MBOAT1: variants seen among roughly 807,000 people sequenced by gnomAD.
The protein encoded by MBOAT1 is membrane-bound glycerophospholipid O-acyltransferase 1.
Under a neutral mutation model 64.4 loss-of-function variants are expected in MBOAT1, and 67 were observed. The ratio of observed to expected loss-of-function variants is 1.04; its 90% CI spans 0.85 to 1.27. The LOEUF is 1.27. Ranked by LOEUF, MBOAT1 falls within the 50% of genes most tolerant of loss-of-function variation. The probability of loss-of-function intolerance (pLI) is 0.00; values close to 1 mark genes in which losing one functional copy is unlikely to be tolerated. For synonymous variants in MBOAT1, 229 were observed against 218.9 expected, an observed-to-expected ratio of 1.05 and a Z score of -0.41; for missense variants, 563 against 604.6, an observed-to-expected ratio of 0.93 and a Z score of 0.72.
intron 1 of MBOAT1, among the ~76,000 whole-genome samples, chr6:20,192,423 C>T (rs1265119835): frequency 1.3e-5 from 2 of 152,218 alleles, no homozygotes; most frequent in African/African-American, 2.4e-5. Flanking sequence ...ACACCACCCA[C>T]ACCCTCCTCA....
At position 20,157,340 on chromosome 6, in the gene MBOAT1, T is replaced by C. The variant is rs1581431213; in HGVS notation, c.100-4571A>G. ...AGTACCTGCCATAAAATGAAAAACA[T>C]TTGAGATAACTAATGAATAAGAGAA... On this transcript the variant is annotated intron_variant, in intron 1 of 12. Coordinates refer to ENST00000324607, the MANE Select transcript of MBOAT1 (RefSeq NM_001080480.3). 3.3e-5 allele frequency among the ~76,000 whole-genome samples: 5 copies of C among 152,118 alleles called. No individual in the cohort carries two copies. In the East Asian group the frequency reaches 9.6e-4, roughly 29 times the overall value.
chr6:20,191,772 T>C (rs1442713164), intron 1 of MBOAT1, among the ~76,000 whole-genome samples: 1 of 152,200 alleles, frequency 6.6e-6, no homozygotes, highest in Non-Finnish European at 1.5e-5. Flanking sequence ...TTAAAAGGCA[T>C]ATTTATAGCT....
Position 20,212,239 on chromosome 6 carries a change from C to A in MBOAT1, c.-5G>T. 1 of 1,610,396 alleles carries A rather than the reference C, an allele frequency of 6.2e-7. No homozygotes were observed. The highest frequency in any genetic ancestry group is 8.5e-7 in the Non-Finnish European group (1 of 1,179,212). On this transcript the variant is annotated 5_prime_UTR_variant, in exon 1 of 13. The change abolishes an upstream ATG in the 5' untranslated region. Coordinates refer to ENST00000324607, the MANE Select transcript of MBOAT1 (RefSeq NM_001080480.3). ...CGGCTGCGGCTCTGCTGCCATCCTG[C>A]ATCTTCGGGAGGTGGCTGCCCCTGT...
At chr6:20,167,259 T>C (rs181041327) in intron 1 of MBOAT1, among the ~76,000 whole-genome samples, 91 of 152,382 alleles carry the variant, frequency 6.0e-4, no homozygotes, top group African/African-American at 2.1e-3. Context: ...TACTGGTAAA[T>C]ATATGTCTAT....
intron 1 of MBOAT1, 167 bp downstream of exon 1, chr6:20,211,969 A>AACACACACAC (rs57852903): frequency 0.012 from 5,279 of 456,536 alleles, 27 homozygotes; most frequent in African/African-American, 0.016. Flanking sequence ...AAGAAGGGAA[A>AACACACACAC]ACACACACAC....
intron 4 of MBOAT1, 40 bp downstream of exon 4, chr6:20,144,179 AG>A: frequency 7.5e-7 from 1 of 1,336,050 alleles, no homozygotes; most frequent in Non-Finnish European, 1.1e-6. Context: ...ACCAAGTCAA[AG>A]TCAGCAGTAA....
chr6:20,211,997 C>A, intron 1 of MBOAT1, 139 bp downstream of exon 1: 2 of 675,030 alleles, frequency 3.0e-6, no homozygotes, highest in African/African-American at 2.0e-5. Flanking sequence ...CACACACACA[C>A]ACACACAAAA....
chr6:20,173,830 A>C (rs561363743), intron 1 of MBOAT1, among the ~76,000 whole-genome samples: 1 of 152,338 alleles, frequency 6.6e-6, no homozygotes, highest in African/African-American at 2.4e-5. Context: ...AGGTGCCTGC[A>C]ATCCCAGCTA....
At chr6:20,130,479 A>G (rs1760787379) in intron 5 of MBOAT1, among the ~76,000 whole-genome samples, 1 of 151,756 alleles carries the variant, frequency 6.6e-6, no homozygotes, top group African/African-American at 2.4e-5. Context: ...TCAGCCTCCT[A>G]AGTTGCTGGG....
chr6:20,102,183 C>T lies in MBOAT1; in HGVS notation c.*103G>A. ...TTTAAAAAAGAACAAAATAAAGATG[C>T]ATGTAAACATCGCCTCTAAGCCACC... On this transcript the variant is annotated 3_prime_UTR_variant, in exon 13 of 13. Transcript: ENST00000324607. 1 of 855,072 alleles carries T rather than the reference C, an allele frequency of 1.2e-6. No individual in the cohort carries two copies. 53.0% of individuals were successfully genotyped at this position (855,072 alleles called of 1,614,324 possible). A position where few individuals can be genotyped will look rare whatever the true frequency, so the allele number is the denominator to read the frequency against.
chr6:20,212,003 C>CAA (rs1012812455), intron 1 of MBOAT1, 133 bp downstream of exon 1: 25 of 722,412 alleles, frequency 3.5e-5, no homozygotes, highest in East Asian at 2.4e-4. Flanking sequence ...CACACACACA[C>CAA]AAAAACCAAC....
intron 7 of MBOAT1, chr6:20,125,810 C>A: frequency 2.6e-6 from 1 of 387,182 alleles, no homozygotes; most frequent in Non-Finnish European, 5.0e-6. Context: ...ATAGTCTTTG[C>A]CAAGGCGTTA....
intron 1 of MBOAT1, among the ~76,000 whole-genome samples, chr6:20,192,927 C>T (rs1473408484): frequency 4.6e-5 from 7 of 150,788 alleles, no homozygotes; most frequent in African/African-American, 1.5e-4. Context: ...GGAGGAAACC[C>T]AAACATCAAT....
intron 9 of MBOAT1, among the ~76,000 whole-genome samples, chr6:20,116,203 G>T (rs947906187): frequency 6.6e-6 from 1 of 151,904 alleles, no homozygotes; most frequent in Admixed American, 6.6e-5. Flanking sequence ...CTGGTAGCAG[G>T]CACCCGTAAT....
intron 12 of MBOAT1, among the ~76,000 whole-genome samples, chr6:20,109,186 C>T (rs1361159660): frequency 6.6e-6 from 1 of 152,200 alleles, no homozygotes; most frequent in Non-Finnish European, 1.5e-5. Flanking sequence ...CAGGCAATGA[C>T]AGCCTCAGCC....
At chr6:20,206,539 C>T (rs1204445245) in intron 1 of MBOAT1, among the ~76,000 whole-genome samples, 1 of 152,200 alleles carries the variant, frequency 6.6e-6, no homozygotes, top group East Asian at 1.9e-4. Context: ...CTCCCCCACA[C>T]TCCTAATATT....
At chr6:20,157,546 A>G (rs768362878) in intron 1 of MBOAT1, among the ~76,000 whole-genome samples, 3 of 152,166 alleles carry the variant, frequency 2.0e-5, no homozygotes, top group Non-Finnish European at 4.4e-5. Flanking sequence ...TTGCCCACAC[A>G]TTCCCTGCAC....
intron 6 of MBOAT1, 24 bp downstream of exon 6, chr6:20,128,675 A>G: frequency 6.3e-7 from 1 of 1,585,398 alleles, no homozygotes; most frequent in Non-Finnish European, 8.6e-7. Flanking sequence ...AGGGCTTGTT[A>G]ATATATCGTT....
intron 1 of MBOAT1, among the ~76,000 whole-genome samples, chr6:20,161,438 AC>A (rs1761855849): frequency 6.6e-6 from 1 of 150,998 alleles, no homozygotes; most frequent in Non-Finnish European, 1.5e-5. Flanking sequence ...CCCATCCCCC[AC>A]CCCCACTCCA....
Sources: gnomAD v4.1 joint callset for allele counts (sites outside exome capture counted in the v4.1 genomes callset) on GRCh38, gnomAD v4.1.1 for gene constraint, MANE v1.5 for transcripts, NCBI Gene and HGNC (gene_info 2026-07-23, HGNC 2026-07-21) for gene names.